Variants in GRM8 observed in about 807,000 individuals in gnomAD.
GRM8 encodes the protein metabotropic glutamate receptor 8.
In GRM8, 47 loss-of-function variants were observed where a neutral mutation model predicts 87.2. That is an observed-to-expected ratio of 0.54 (90% CI 0.43 to 0.69). The LOEUF (loss-of-function observed/expected upper bound fraction) is 0.69. Among genes scored for constraint, GRM8 ranks in the 30% least tolerant of loss-of-function variants. The pLI is 0.00. For missense variants in GRM8, 1,019 were observed against 1,139.2 expected, an observed-to-expected ratio of 0.89 and a Z score of 1.52; for synonymous variants, 396 against 404.5, an observed-to-expected ratio of 0.98 and a Z score of 0.25.
At chr7:126,668,235 C>G (rs1204636154) in intron 7 of GRM8, among the ~76,000 whole-genome samples, 1 of 152,132 alleles carries the variant, frequency 6.6e-6, no homozygotes, top group Non-Finnish European at 1.5e-5. Flanking sequence ...CTTTACTCAC[C>G]ATTCAAACTG....
Position 127,137,193 on chromosome 7 carries a change from A to G in GRM8, c.511-30481T>C, listed in dbSNP as rs1827988251. On this transcript the variant is annotated intron_variant, in intron 2 of 10. Transcript: ENST00000339582. ...GACTGTTCTAGGAGTTGGAGTTTAT[A>G]CACATACACATGCATAAACATACAC... is the stretch of plus-strand genomic sequence containing the variant. Among the ~76,000 whole-genome samples, 3 of 151,922 alleles carry G rather than the reference A, an allele frequency of 2.0e-5. No individual in the cohort carries two copies. The South Asian group carries it at 6.2e-4, about 32-fold the overall frequency.
chr7:126,494,833 C>T (rs61699947), intron 9 of GRM8, among the ~76,000 whole-genome samples: 7,073 of 151,996 alleles, frequency 0.047, 522 homozygotes, highest in African/African-American at 0.16. Flanking sequence ...CAAAATACAA[C>T]GCCTAAGAGT....
intron 6 of GRM8, among the ~76,000 whole-genome samples, chr7:126,780,902 G>T: frequency 6.6e-6 from 1 of 152,216 alleles, no homozygotes; most frequent in Non-Finnish European, 1.5e-5. Context: ...GGAGTAGGCA[G>T]ATTGGGAGGT....
At chr7:126,482,736 A>G (rs904978761) in intron 9 of GRM8, among the ~76,000 whole-genome samples, 4 of 152,024 alleles carry the variant, frequency 2.6e-5, no homozygotes, top group Admixed American at 6.6e-5. Flanking sequence ...TGATTGCACA[A>G]CAATATGAAT....
chr7:127,049,905 G>C (rs1288194653), intron 3 of GRM8, among the ~76,000 whole-genome samples: 1 of 152,156 alleles, frequency 6.6e-6, no homozygotes, highest in African/African-American at 2.4e-5. Context: ...TGCCTTAGGA[G>C]AAAGAAGAAG....
intron 3 of GRM8, among the ~76,000 whole-genome samples, chr7:126,996,603 A>G (rs1002030295): frequency 2.0e-5 from 3 of 152,088 alleles, no homozygotes; most frequent in African/African-American, 7.2e-5. Flanking sequence ...AATAAATGGA[A>G]TATTTCATGG....
chr7:126,471,444 G>A (rs1186714270), intron 9 of GRM8, among the ~76,000 whole-genome samples: 1 of 151,852 alleles, frequency 6.6e-6, no homozygotes, highest in Non-Finnish European at 1.5e-5. Context: ...TTATTAAATA[G>A]GGAATCCTTT....
At chr7:126,944,942 C>A (rs1449238144) in intron 3 of GRM8, among the ~76,000 whole-genome samples, 1 of 152,174 alleles carries the variant, frequency 6.6e-6, no homozygotes, top group Non-Finnish European at 1.5e-5. Context: ...CATTTCACAT[C>A]CACCAGGTTG....
intron 7 of GRM8, among the ~76,000 whole-genome samples, chr7:126,742,661 A>G (rs1815148170): frequency 6.6e-6 from 1 of 151,888 alleles, no homozygotes; most frequent in South Asian, 2.1e-4. Flanking sequence ...GTCCCCATCC[A>G]GCAAAATCTC....
intron 2 of GRM8, among the ~76,000 whole-genome samples, chr7:127,240,175 T>C (rs559712406): frequency 2.2e-4 from 33 of 152,062 alleles, no homozygotes; most frequent in Middle Eastern, 3.4e-3. Context: ...CCTCCAGAAT[T>C]ACCCAAGAAA....
At position 127,233,481 on chromosome 7, in the gene GRM8, C is replaced by T. The variant is rs140356276; in HGVS notation, c.510+9214G>A. Among the ~76,000 whole-genome samples, 9 of 152,232 alleles carry T rather than the reference C, an allele frequency of 5.9e-5. No individual in the cohort carries two copies. The East Asian group carries it at 1.7e-3, about 29-fold the overall frequency. ...GACGATAAATCACTCTGAAAACTAA[C>T]AAATAAAATTGCCACAACATAAAGA... On this transcript the variant is annotated intron_variant, in intron 2 of 10. Transcript: ENST00000339582.
intron 2 of GRM8, among the ~76,000 whole-genome samples, chr7:127,115,225 G>A (rs1427851123): frequency 6.6e-6 from 1 of 152,196 alleles, no homozygotes; most frequent in Admixed American, 6.5e-5. Context: ...ACGGCAGCCA[G>A]CAGACAGCAA....
chr7:126,794,917 C>G (rs1821789671), intron 6 of GRM8, among the ~76,000 whole-genome samples: 1 of 152,144 alleles, frequency 6.6e-6, no homozygotes, highest in African/African-American at 2.4e-5. Context: ...ATTATACTCA[C>G]CTGGAAAATT....
intron 10 of GRM8, among the ~76,000 whole-genome samples, chr7:126,443,297 G>GTAAACTA (rs1274443805): frequency 6.6e-6 from 1 of 152,006 alleles, no homozygotes; most frequent in Non-Finnish European, 1.5e-5. Context: ...TTTTAAAAAT[G>GTAAACTA]TAAACTATAG....
intron 8 of GRM8, among the ~76,000 whole-genome samples, chr7:126,577,450 C>G (rs1795217573): frequency 6.6e-6 from 1 of 152,100 alleles, no homozygotes; most frequent in African/African-American, 2.4e-5. Flanking sequence ...AAATTTCCCT[C>G]TAACTTTAGT....
chr7:126,927,073 C>T (rs1805211485), intron 3 of GRM8, among the ~76,000 whole-genome samples: 1 of 152,176 alleles, frequency 6.6e-6, no homozygotes, highest in East Asian at 1.9e-4. Context: ...AGTCTCTGTT[C>T]AACGTCTTCC....
rs148732721 is a variant in GRM8 at position 126,916,291 on chromosome 7, T to C, written c.728-11608A>G. On this transcript the variant is annotated intron_variant, in intron 3 of 10. Transcript: ENST00000339582. ...GCAGTTAAACACCCCAGTGTATTTCTAAGTCTAGTGAAGCCTGATAGCTGT... is the reference window on the plus strand; with the variant it reads ...GCAGTTAAACACCCCAGTGTATTTCCAAGTCTAGTGAAGCCTGATAGCTGT... 9.2e-3 allele frequency among the ~76,000 whole-genome samples: 1,409 copies of C among 152,332 alleles called. 21 individuals are homozygous for C. Among genetic ancestry groups the C allele is most frequent in the African/African-American group, 0.032 (1,311 of 41,566 alleles).
In GRM8 at chr7:126,533,655, T is replaced by A; in HGVS notation, c.1727A>T (p.Lys576Ile). 6.2e-7 allele frequency: 1 copy of A among 1,613,978 alleles called. No homozygotes were observed. The highest frequency in any genetic ancestry group is 2.2e-5 in the East Asian group (1 of 44,840). ...RTGCQLIPII[K>I]LEWHSPWAVV... ...AGCCCAGGGAGAATGCCACTCCAAT[T>A]TGATGATGGGGATAAGCTGGCAGCC... The change falls in exon 9 of 11, where the codon AAA becomes ATA. Residue 576 changes from lysine (K) to isoleucine (I), a missense_variant. Transcript: ENST00000339582.
At chr7:127,191,620 G>C (rs938011103) in intron 2 of GRM8, among the ~76,000 whole-genome samples, 2 of 152,098 alleles carry the variant, frequency 1.3e-5, no homozygotes, top group Admixed American at 1.3e-4. Context: ...TCTCATAAGA[G>C]ATATGCCATC....
Sources: gnomAD v4.1 joint callset for allele counts (sites outside exome capture counted in the v4.1 genomes callset) on GRCh38, gnomAD v4.1.1 for gene constraint, MANE v1.5 for transcripts, NCBI Gene and HGNC (gene_info 2026-07-23, HGNC 2026-07-21) for gene names.